Variants in CHRM3 observed in about 807,000 individuals in gnomAD.
CHRM3 encodes the protein cholinergic receptor muscarinic 3.
CHRM3 carries 11 observed loss-of-function variants against 41.8 expected under a neutral mutation model. The ratio of observed to expected loss-of-function variants is 0.26; its 90% CI spans 0.17 to 0.44. CHRM3 has a LOEUF of 0.44. Among genes scored for constraint, CHRM3 ranks in the 20% least tolerant of loss-of-function variants. The probability of loss-of-function intolerance (pLI) is 1.00; values close to 1 mark genes in which losing one functional copy is unlikely to be tolerated. For synonymous variants in CHRM3, 297 were observed against 301.4 expected, an observed-to-expected ratio of 0.99 and a Z score of 0.15; for missense variants, 571 against 745.4, an observed-to-expected ratio of 0.77 and a Z score of 2.72.
intron 5 of CHRM3, among the ~76,000 whole-genome samples, chr1:239,822,597 C>T (rs1330379014): frequency 6.6e-6 from 1 of 152,100 alleles, no homozygotes; most frequent in African/African-American, 2.4e-5. Context: ...GTAGACTGAG[C>T]CCCAGATCTC....
chr1:239,769,623 T>A (rs192775850), intron 5 of CHRM3, among the ~76,000 whole-genome samples: 2 of 152,310 alleles, frequency 1.3e-5, no homozygotes, highest in African/African-American at 4.8e-5. Context: ...GTGTGGCGCC[T>A]GTAAGCCCAA....
intron 1 of CHRM3, among the ~76,000 whole-genome samples, chr1:239,474,041 G>T (rs905401641): frequency 6.6e-6 from 1 of 151,940 alleles, no homozygotes; most frequent in African/African-American, 2.4e-5. Flanking sequence ...GCTGAGTGTT[G>T]AGCATGGATT....
chr1:239,651,082 T>C (rs1013950775), intron 4 of CHRM3, among the ~76,000 whole-genome samples: 3 of 152,188 alleles, frequency 2.0e-5, no homozygotes, highest in Admixed American at 6.5e-5. Context: ...TGTTGAACAA[T>C]AATGGATGAA....
At chr1:239,485,062 TTTCTC>T (rs1447733843) in intron 1 of CHRM3, among the ~76,000 whole-genome samples, 2 of 152,190 alleles carry the variant, frequency 1.3e-5, no homozygotes, top group Admixed American at 6.5e-5. Flanking sequence ...TTGCTGAACA[TTTCTC>T]TTATTTATTA....
chr1:239,699,363 AG>A (rs1660481345), intron 5 of CHRM3, among the ~76,000 whole-genome samples: 1 of 152,124 alleles, frequency 6.6e-6, no homozygotes, highest in Non-Finnish European at 1.5e-5. Flanking sequence ...CCCTCTTATA[AG>A]GGATTAGAGC....
chr1:239,502,984 C>G (rs1668337823), intron 2 of CHRM3, among the ~76,000 whole-genome samples: 1 of 152,114 alleles, frequency 6.6e-6, no homozygotes, highest in Non-Finnish European at 1.5e-5. Context: ...AAAGCATTCC[C>G]TCTGAAAACT....
intron 2 of CHRM3, among the ~76,000 whole-genome samples, chr1:239,500,126 T>C (rs1668130541): frequency 6.6e-6 from 1 of 152,120 alleles, no homozygotes; most frequent in South Asian, 2.1e-4. Context: ...GTTTTTAGCA[T>C]GAAGGGTTGT....
intron 1 of CHRM3, among the ~76,000 whole-genome samples, chr1:239,437,255 A>G (rs1025997682): frequency 1.3e-5 from 2 of 152,158 alleles, no homozygotes; most frequent in African/African-American, 2.4e-5. Context: ...CTAGGATTAC[A>G]CAGACATGCC....
chr1:239,791,339 A>C (rs918566968), intron 5 of CHRM3, among the ~76,000 whole-genome samples: 1 of 152,170 alleles, frequency 6.6e-6, no homozygotes, highest in Non-Finnish European at 1.5e-5. Flanking sequence ...TCCTGGCTTC[A>C]AGCAATCCAA....
chr1:239,426,680 C>T (rs1466512887), intron 1 of CHRM3, among the ~76,000 whole-genome samples: 1 of 152,134 alleles, frequency 6.6e-6, no homozygotes, highest in Admixed American at 6.6e-5. Flanking sequence ...ACTCATTCAA[C>T]CAACACACTT....
At chr1:239,662,982 C>CTCCTCT (rs1673414624) in intron 4 of CHRM3, among the ~76,000 whole-genome samples, 2 of 121,494 alleles carry the variant, frequency 1.6e-5, no homozygotes, top group Non-Finnish European at 3.5e-5. Context: ...TCTCTTCCTT[C>CTCCTCT]CTTCCTTGTC....
intron 3 of CHRM3, among the ~76,000 whole-genome samples, chr1:239,585,363 A>G (rs964550391): frequency 1.3e-5 from 2 of 152,088 alleles, no homozygotes; most frequent in Admixed American, 6.5e-5. Context: ...GTTTAAGCTG[A>G]GGTTGGTAGG....
chr1:239,448,725 G>A (rs189306087), intron 1 of CHRM3, among the ~76,000 whole-genome samples: 257 of 152,188 alleles, frequency 1.7e-3, no homozygotes, highest in Non-Finnish European at 3.3e-3. Flanking sequence ...CAATTTAAAA[G>A]GGGTGGAACT....
chr1:239,390,589 G>C (rs929815751), intron 1 of CHRM3, among the ~76,000 whole-genome samples: 2 of 150,228 alleles, frequency 1.3e-5, no homozygotes, highest in Admixed American at 6.6e-5. Context: ...GGTATGAAAG[G>C]CTTCCCTCAC....
intron 3 of CHRM3, among the ~76,000 whole-genome samples, chr1:239,559,609 G>A (rs1660677571): frequency 6.6e-6 from 1 of 152,168 alleles, no homozygotes; most frequent in Admixed American, 6.6e-5. Flanking sequence ...CCTGATGATG[G>A]CTTTAACCTC....
chr1:239,810,248 G>T (rs1671013953), intron 5 of CHRM3, among the ~76,000 whole-genome samples: 1 of 152,146 alleles, frequency 6.6e-6, no homozygotes, highest in Non-Finnish European at 1.5e-5. Flanking sequence ...GATCCTTGCT[G>T]CTTCGGATTC....
intron 1 of CHRM3, among the ~76,000 whole-genome samples, chr1:239,481,381 C>T (rs896551191): frequency 1.3e-5 from 2 of 152,122 alleles, no homozygotes; most frequent in African/African-American, 4.8e-5. Flanking sequence ...ACTTCACTTT[C>T]CGTTAGCACT....
intron 1 of CHRM3, among the ~76,000 whole-genome samples, chr1:239,412,193 C>A (rs1326716152): frequency 6.8e-6 from 1 of 146,354 alleles, no homozygotes; most frequent in Non-Finnish European, 1.5e-5. Flanking sequence ...TTACTTGTCT[C>A]AGGTCCTCCC....
intron 3 of CHRM3, among the ~76,000 whole-genome samples, chr1:239,549,729 A>G (rs2148433040): frequency 6.6e-6 from 1 of 151,690 alleles, no homozygotes; most frequent in African/African-American, 2.4e-5. Flanking sequence ...ATCTGATACT[A>G]CTTAAATGAG....
Sources: gnomAD v4.1 joint callset for allele counts (sites outside exome capture counted in the v4.1 genomes callset) on GRCh38, gnomAD v4.1.1 for gene constraint, MANE v1.5 for transcripts, NCBI Gene and HGNC (gene_info 2026-07-23, HGNC 2026-07-21) for gene names.